LAIR1: variants seen among roughly 807,000 people sequenced by gnomAD.
The protein encoded by LAIR1 is leukocyte-associated immunoglobulin-like receptor 1.
In LAIR1, 24 loss-of-function variants were observed where a neutral mutation model predicts 32.8. The ratio of observed to expected loss-of-function variants is 0.73; its 90% CI spans 0.53 to 1.03. The LOEUF (loss-of-function observed/expected upper bound fraction) is 1.03. Ranked by LOEUF, LAIR1 falls within the 50% of genes least tolerant of loss-of-function variation. The pLI is 0.00. For missense variants in LAIR1, 355 were observed against 347.5 expected (o/e 1.02, Z -0.17); for synonymous variants, 150 against 140.5 (o/e 1.07, Z -0.48).
upstream of LAIR1, chr19:54,368,368 T>C (rs1985841): frequency 0.36 from 55,053 of 152,126 alleles, 12,997 homozygotes; most frequent in African/African-American, 0.66. Flanking sequence ...GCATTGAACA[T>C]GAGGCCAAAA....
At chr19:54,371,799 T>A (rs1235902031), upstream of LAIR1, among the ~76,000 whole-genome samples, 1 of 151,608 alleles carries the variant, frequency 6.6e-6, no homozygotes, top group Non-Finnish European at 1.5e-5. Flanking sequence ...CTGGGATGAT[T>A]TCCTCTTGTC....
chr19:54,371,863 C>A (rs1477842421), upstream of LAIR1, among the ~76,000 whole-genome samples: 3 of 151,540 alleles, frequency 2.0e-5, no homozygotes, highest in East Asian at 1.9e-4. Context: ...ATAGTTTTGC[C>A]TTTTCCAGAA....
chr19:54,361,982 C>T (rs974630856), intron 2 of LAIR1, among the ~76,000 whole-genome samples: 5 of 151,406 alleles, frequency 3.3e-5, no homozygotes, highest in Admixed American at 1.3e-4. Flanking sequence ...AATCCCTGAG[C>T]GGGGCAGAGA....
Position 54,364,865 on chromosome 19 carries a change from C to G in LAIR1, c.-61G>C, listed in dbSNP as rs868244469. ...GCACCAATGCAAGGACAGAACTCTG[C>G]AGCAGACACAAGCAGACAGGATGTG... On this transcript the variant is annotated 5_prime_UTR_variant, in exon 1 of 10. Transcript: ENST00000391742. The surrounding 1 kb of genome is among the most constrained non-coding windows in gnomAD (Gnocchi z 4.8). The G allele has an allele frequency of 2.7e-5, 43 of 1,613,914 alleles. No homozygotes were observed. In the Middle Eastern group the frequency reaches 6.9e-3, roughly 260 times the overall value.
chr19:54,369,942 G>A (rs1057375304), intron 1 of LAIR1, among the ~76,000 whole-genome samples: 2 of 149,626 alleles, frequency 1.3e-5, no homozygotes, highest in Non-Finnish European at 1.5e-5. Flanking sequence ...GACAGACTGG[G>A]GAACTCAAGC....
At position 54,354,794 on chromosome 19, in the gene LAIR1, A is replaced by G. The variant is rs1472443925; in HGVS notation, c.*474T>C. ...CAAGGCTAGCTCTTGACTTCTAGGA[A>G]GGTCTTTAGGGTCAGCAGGGCAGAT... is the stretch of plus-strand genomic sequence containing the variant. On this transcript the variant is annotated 3_prime_UTR_variant, in exon 10 of 10. Transcript: ENST00000391742. 2 of 154,216 alleles carry G rather than the reference A, an allele frequency of 1.3e-5. No homozygotes were observed. The highest frequency in any genetic ancestry group is 2.9e-5 in the Non-Finnish European group (2 of 69,558). The allele number at this position is 154,216 out of a possible 1,614,324, so 9.6% of individuals were successfully genotyped here.
chr19:54,366,537 G>A (rs1486226927), upstream of LAIR1, among the ~76,000 whole-genome samples: 1 of 152,094 alleles, frequency 6.6e-6, no homozygotes, highest in Non-Finnish European at 1.5e-5. Context: ...TGCCCAGGCT[G>A]GAGTGAAGCA....
upstream of LAIR1, among the ~76,000 whole-genome samples, chr19:54,373,820 C>A (rs923702668): frequency 2.6e-5 from 4 of 152,242 alleles, no homozygotes; most frequent in Non-Finnish European, 4.4e-5. Context: ...CCCAGGATGA[C>A]TCAGGGACAC....
intron 4 of LAIR1, 108 bp from the exon 5 acceptor site, chr19:54,357,074 C>G: frequency 9.7e-7 from 1 of 1,026,414 alleles, no homozygotes; most frequent in East Asian, 2.6e-5. Context: ...CTCCCCAGGA[C>G]CCTGACTGCT....
upstream of LAIR1, among the ~76,000 whole-genome samples, chr19:54,369,845 A>C (rs1330379760): frequency 6.6e-6 from 1 of 151,118 alleles, no homozygotes; most frequent in East Asian, 1.9e-4. Context: ...CAAATATTTC[A>C]AAACTATTCC....
chr19:54,357,140 A>G (rs1385813951), intron 4 of LAIR1, 174 bp from the exon 5 acceptor site: 3 of 600,808 alleles, frequency 5.0e-6, no homozygotes, highest in Non-Finnish European at 8.9e-6. Flanking sequence ...AACTTTCTAC[A>G]TCTACTGTCC....
upstream of LAIR1, among the ~76,000 whole-genome samples, chr19:54,374,303 C>G (rs1057237990): frequency 6.6e-6 from 1 of 152,164 alleles, no homozygotes; most frequent in Non-Finnish European, 1.5e-5. Context: ...CATATTCCCT[C>G]TGGAACCCAT....
At chr19:54,367,800 C>T (rs2082301050), upstream of LAIR1, among the ~76,000 whole-genome samples, 1 of 140,774 alleles carries the variant, frequency 7.1e-6, no homozygotes, top group African/African-American at 2.7e-5. Flanking sequence ...GAGTCTCGCT[C>T]TGTCGCCCAG....
In LAIR1 at chr19:54,351,870, T is replaced by TAA. The variant is rs3214453; in HGVS notation, c.*3396_*3397dup. Reference sequence around the variant, plus strand: ...CTATGTTCAGTTTTACACTAAAAGGTAAAAAAAAGTTAAAAAAAAGAAAAA... The same window carrying TAA: ...CTATGTTCAGTTTTACACTAAAAGGTAAAAAAAAAAGTTAAAAAAAAGAAAAA... On this transcript the variant is annotated 3_prime_UTR_variant, in exon 10 of 10. Transcript: ENST00000391742. 0.3 allele frequency: 45,035 copies of TAA among 150,754 alleles called. 7,098 individuals carry two copies. Among genetic ancestry groups the TAA allele is most frequent in the East Asian group, 0.36 (1,853 of 5,130 alleles). The allele number at this position is 150,754 out of a possible 1,614,324, so 9.3% of individuals were successfully genotyped here. A position where few individuals can be genotyped will look rare whatever the true frequency, so the allele number is the denominator to read the frequency against.
chr19:54,367,849 T>A (rs2122629302), upstream of LAIR1, among the ~76,000 whole-genome samples: 1 of 145,490 alleles, frequency 6.9e-6, no homozygotes, highest in South Asian at 2.2e-4. Flanking sequence ...CTCGGCTCAC[T>A]GCAAGCTCCG....
At chr19:54,367,575 T>C (rs1026119608), upstream of LAIR1, among the ~76,000 whole-genome samples, 9 of 150,864 alleles carry the variant, frequency 6.0e-5, no homozygotes, top group African/African-American at 2.2e-4. Flanking sequence ...TGAAACCCCG[T>C]CTCTACTAAA....
intron 2 of LAIR1, among the ~76,000 whole-genome samples, chr19:54,363,300 G>A (rs1388872269): frequency 6.6e-6 from 1 of 151,728 alleles, no homozygotes; most frequent in Admixed American, 6.6e-5. Flanking sequence ...CCAGGACTGG[G>A]TGACATGGTG....
chr19:54,356,707 C>T (rs1601275189), intron 5 of LAIR1, 88 bp from the exon 6 acceptor site: 26 of 1,340,140 alleles, frequency 1.9e-5, no homozygotes, highest in East Asian at 4.6e-5. Flanking sequence ...GTTTCATAGA[C>T]TTACTAATAT....
upstream of LAIR1, among the ~76,000 whole-genome samples, chr19:54,366,682 G>T (rs2082266523): frequency 6.6e-6 from 1 of 152,046 alleles, no homozygotes; most frequent in African/African-American, 2.4e-5. Flanking sequence ...CAGAGTCGGG[G>T]TTTCACCGTG....
Sources: allele counts gnomAD v4.1 joint callset (sites outside exome capture counted in the v4.1 genomes callset), GRCh38; gene constraint gnomAD v4.1.1; non-coding constraint Gnocchi (gnomAD v3.1); transcripts MANE v1.5; gene names NCBI Gene and HGNC (gene_info 2026-07-23, HGNC 2026-07-21).